The following ADAMTSL1 variants were observed in gnomAD, a reference collection of about 807,000 sequenced individuals.
ADAMTSL1 encodes ADAMTS-like protein 1.
In ADAMTSL1, 126 loss-of-function variants were observed where a neutral mutation model predicts 201.8. The observed-to-expected ratio is 0.62, with a 90% CI of 0.54 to 0.72. The LOEUF is 0.72. Among genes scored for constraint, ADAMTSL1 ranks in the 30% least tolerant of loss-of-function variants. ADAMTSL1 has a pLI of 0.00. For missense variants in ADAMTSL1, 2,679 were observed against 2,277.8 expected (o/e 1.18, Z -3.59); for synonymous variants, 1,121 against 903.4 (o/e 1.24, Z -4.32).
chr9:17,990,026 T>C (rs1819087476), intron 1 of ADAMTSL1, among the ~76,000 whole-genome samples: 1 of 151,824 alleles, frequency 6.6e-6, no homozygotes, highest in South Asian at 2.1e-4. Flanking sequence ...AAACAAACAT[T>C]GAAGACATAG....
chr9:18,468,280 T>C (rs189827779), intron 2 of ADAMTSL1, among the ~76,000 whole-genome samples: 90 of 152,308 alleles, frequency 5.9e-4, no homozygotes, highest in African/African-American at 2.0e-3. Flanking sequence ...AAGTCTATCC[T>C]CCCGGTTCAG....
At chr9:18,829,726 A>G in intron 22 of ADAMTSL1, 117 bp from the exon 23 acceptor site, 1 of 1,321,064 alleles carries the variant, frequency 7.6e-7, no homozygotes, top group Non-Finnish European at 1.0e-6. Context: ...CAACAATAGT[A>G]ATGCCTATCT....
intron 2 of ADAMTSL1, among the ~76,000 whole-genome samples, chr9:18,382,397 T>C (rs1157384127): frequency 6.6e-6 from 1 of 152,192 alleles, no homozygotes; most frequent in African/African-American, 2.4e-5. Flanking sequence ...ATTTTAATTT[T>C]TCCAGAATCC....
At chr9:18,718,225 A>G (rs1228284361) in intron 14 of ADAMTSL1, 3 of 767,338 alleles carry the variant, frequency 3.9e-6, no homozygotes, top group African/African-American at 1.7e-5. Flanking sequence ...TCTTTAACTC[A>G]AAGAATCTGT....
At chr9:18,318,294 G>A (rs958997379) in intron 2 of ADAMTSL1, among the ~76,000 whole-genome samples, 1 of 152,096 alleles carries the variant, frequency 6.6e-6, no homozygotes, top group Non-Finnish European at 1.5e-5. Flanking sequence ...CTTTATGGAC[G>A]GGTACTTCTA....
At chr9:17,966,556 G>A (rs991004325) in intron 1 of ADAMTSL1, among the ~76,000 whole-genome samples, 1 of 152,082 alleles carries the variant, frequency 6.6e-6, no homozygotes, top group African/African-American at 2.4e-5. Flanking sequence ...AACAAAATGT[G>A]ATTGAGCAGA....
chr9:18,803,125 G>A (rs1049195450), intron 20 of ADAMTSL1, among the ~76,000 whole-genome samples: 2 of 152,212 alleles, frequency 1.3e-5, no homozygotes, highest in Non-Finnish European at 2.9e-5. Flanking sequence ...TTACAGTTCT[G>A]TAGGTCAGAA....
chr9:18,012,640 C>T (rs761047611), intron 1 of ADAMTSL1, among the ~76,000 whole-genome samples: 11 of 151,984 alleles, frequency 7.2e-5, no homozygotes, highest in Non-Finnish European at 2.9e-5. Flanking sequence ...AACACCTCAC[C>T]CTGGAGCCCT....
At chr9:18,624,918 G>A (rs577996316) in intron 5 of ADAMTSL1, among the ~76,000 whole-genome samples, 1 of 152,320 alleles carries the variant, frequency 6.6e-6, no homozygotes, top group African/African-American at 2.4e-5. Flanking sequence ...TAGCACTGAT[G>A]ATGTCTCATG....
chr9:18,894,295 G>A (rs549924439), intron 26 of ADAMTSL1, among the ~76,000 whole-genome samples: 39 of 149,290 alleles, frequency 2.6e-4, no homozygotes, highest in Middle Eastern at 7.2e-3. Flanking sequence ...AACGAGCTGT[G>A]ATCATACCAC....
intron 2 of ADAMTSL1, among the ~76,000 whole-genome samples, chr9:18,329,350 C>T (rs1834944342): frequency 6.6e-6 from 1 of 152,060 alleles, no homozygotes. Context: ...GACTAAAATA[C>T]CTTCACACTC....
intron 1 of ADAMTSL1, among the ~76,000 whole-genome samples, chr9:18,494,265 C>T (rs915509330): frequency 3.3e-5 from 5 of 150,608 alleles, no homozygotes; most frequent in Non-Finnish European, 5.9e-5. Flanking sequence ...CTGAGACAGG[C>T]GAATCGCTTG....
At chr9:17,908,229 T>C (rs932731613) in intron 1 of ADAMTSL1, among the ~76,000 whole-genome samples, 2 of 152,174 alleles carry the variant, frequency 1.3e-5, no homozygotes, top group Admixed American at 1.3e-4. Context: ...GCAAGTTGTA[T>C]TCCCACCATG....
chr9:18,005,974 G>A (rs538148618), intron 1 of ADAMTSL1, among the ~76,000 whole-genome samples: 1 of 152,016 alleles, frequency 6.6e-6, no homozygotes, highest in African/African-American at 2.4e-5. Context: ...GTGGGAGAGA[G>A]TATGAGATCA....
intron 26 of ADAMTSL1, among the ~76,000 whole-genome samples, chr9:18,904,732 CTTT>C (rs373922316): frequency 2.0e-4 from 11 of 55,240 alleles, no homozygotes; most frequent in Non-Finnish European, 3.7e-4. Context: ...GTTAAGGGGG[CTTT>C]TTTTTTTTTT....
intron 1 of ADAMTSL1, among the ~76,000 whole-genome samples, chr9:17,955,342 C>T (rs1827889509): frequency 6.6e-6 from 1 of 152,206 alleles, no homozygotes; most frequent in South Asian, 2.1e-4. Context: ...GGCTTTTGTT[C>T]TGATGATTTT....
At chr9:18,673,882 G>A (rs1457059349) in intron 9 of ADAMTSL1, among the ~76,000 whole-genome samples, 1 of 152,010 alleles carries the variant, frequency 6.6e-6, no homozygotes, top group Non-Finnish European at 1.5e-5. Flanking sequence ...AAACTTACTA[G>A]AAGGACTGTG....
intron 1 of ADAMTSL1, among the ~76,000 whole-genome samples, chr9:17,922,326 G>A (rs574161794): frequency 3.3e-5 from 5 of 152,188 alleles, no homozygotes; most frequent in African/African-American, 1.2e-4. Context: ...GGACTCTTTA[G>A]TCTTGTGTTT....
Position 18,753,465 on chromosome 9 carries a change from G to A in ADAMTSL1, c.2174G>A (p.Arg725His), listed in dbSNP as rs201573079. 54 of 1,613,212 alleles carry A rather than the reference G, an allele frequency of 3.3e-5. No individual in the cohort carries two copies. The highest frequency in any genetic ancestry group is 6.7e-5 in the East Asian group (3 of 44,840). ...CCCAGCACGGTGCAAGCTTGTAACC[G>A]CTTTAATTGCCCCCCAGCCTGGTAC... ...PKPSTVQACNRFNCPPAWYPA... is the reference protein window; with the variant it reads ...PKPSTVQACNHFNCPPAWYPA... Residue 725 changes from arginine to histidine, a missense_variant, in exon 16 of 29, where the codon CGC becomes CAC. Transcript: ENST00000380548.
Sources: gnomAD v4.1 joint callset for allele counts (sites outside exome capture counted in the v4.1 genomes callset) on GRCh38, gnomAD v4.1.1 for gene constraint, MANE v1.5 for transcripts, NCBI Gene and HGNC (gene_info 2026-07-23, HGNC 2026-07-21) for gene names.